Variants in IPCEF1 observed in about 807,000 individuals in gnomAD.
The protein encoded by IPCEF1 is interactor protein for cytohesin exchange factors 1.
IPCEF1 carries 31 observed loss-of-function variants against 50.9 expected under a neutral mutation model. That is an observed-to-expected ratio of 0.61 (90% CI 0.46 to 0.82). IPCEF1 has a LOEUF of 0.82. IPCEF1 is among the 40% of genes least tolerant of loss of function. IPCEF1 has a pLI of 0.00. For synonymous variants in IPCEF1, 181 were observed against 192.0 expected (o/e 0.94, Z 0.47); for missense variants, 458 against 514.0 (o/e 0.89, Z 1.05).
intron 1 of IPCEF1, among the ~76,000 whole-genome samples, chr6:154,345,686 T>A (rs1784013908): frequency 6.6e-6 from 1 of 152,154 alleles, no homozygotes; most frequent in African/African-American, 2.4e-5. Flanking sequence ...TATTTAATAA[T>A]TCTGAATATC....
At chr6:154,273,724 CTTTTT>C (rs71021036) in intron 2 of IPCEF1, among the ~76,000 whole-genome samples, 2 of 63,326 alleles carry the variant, frequency 3.2e-5, no homozygotes, top group African/African-American at 1.1e-4. Context: ...TTCTTTCTTT[CTTTTT>C]TTTTTTTTTT....
chr6:154,157,130 T>C lies in IPCEF1; in HGVS notation c.*2698A>G, dbSNP rs1483552368. 1.3e-5 allele frequency: 2 copies of C among 152,214 alleles called. No individual in the cohort carries two copies. The highest frequency in any genetic ancestry group is 4.8e-5 in the African/African-American group (2 of 41,442). The allele number at this position is 152,214 out of a possible 1,614,324, so 9.4% of individuals were successfully genotyped here. A position where few individuals can be genotyped will look rare whatever the true frequency, so the allele number is the denominator to read the frequency against. On this transcript the variant is annotated 3_prime_UTR_variant, in exon 12 of 12. Transcript: ENST00000367220. ...AGTAATCCAGTTTTCCCAATATTCT[T>C]TGGACCAGAAAAGTGGCTTGAGGCC...
At chr6:154,221,908 T>C (rs544453209) in intron 6 of IPCEF1, among the ~76,000 whole-genome samples, 1 of 152,174 alleles carries the variant, frequency 6.6e-6, no homozygotes, top group South Asian at 2.1e-4. Flanking sequence ...ATAAAACATA[T>C]AGGTATATCC....
intron 1 of IPCEF1, among the ~76,000 whole-genome samples, chr6:154,356,164 A>G (rs947090058): frequency 6.6e-6 from 1 of 152,184 alleles, no homozygotes; most frequent in African/African-American, 2.4e-5. Flanking sequence ...CACCCTTACT[A>G]AAAGACTCTG....
At chr6:154,240,854 G>C (rs912638191) in intron 5 of IPCEF1, among the ~76,000 whole-genome samples, 1 of 152,088 alleles carries the variant, frequency 6.6e-6, no homozygotes, top group Non-Finnish European at 1.5e-5. Context: ...AGACATATTG[G>C]GGCCTCAAAG....
chr6:154,331,147 G>A (rs1783650125), intron 1 of IPCEF1, among the ~76,000 whole-genome samples: 1 of 151,992 alleles, frequency 6.6e-6, no homozygotes, highest in South Asian at 2.1e-4. Flanking sequence ...TGTGCCTGAA[G>A]TCCCAGCTAC....
At chr6:154,169,490 C>T (rs1377045110) in intron 10 of IPCEF1, among the ~76,000 whole-genome samples, 1 of 152,216 alleles carries the variant, frequency 6.6e-6, no homozygotes, top group Non-Finnish European at 1.5e-5. Flanking sequence ...TTCTAAAACA[C>T]AGTGTGGGAC....
chr6:154,273,200 A>T (rs1422683034), intron 2 of IPCEF1, among the ~76,000 whole-genome samples: 1 of 152,076 alleles, frequency 6.6e-6, no homozygotes, highest in Non-Finnish European at 1.5e-5. Context: ...TCAGCAAGAC[A>T]TTATCACAGC....
At position 154,157,868 on chromosome 6, in the gene IPCEF1, T is replaced by C. The variant is rs6902403; in HGVS notation, c.*1960A>G. 89,089 of 152,130 alleles carry C rather than the reference T, an allele frequency of 0.59. 26,889 individuals are homozygous for C. The highest frequency in any genetic ancestry group is 0.72 in the African/African-American group (29,996 of 41,478). 9.4% of individuals were successfully genotyped at this position (152,130 alleles called of 1,614,324 possible). ...AGGGGCAAAAGGTTAAAGCACTGCT[T>C]TCCTAAACCAGGGCATCAGGGTGCA... On this transcript the variant is annotated 3_prime_UTR_variant, in exon 12 of 12. Transcript: ENST00000367220.
At chr6:154,248,306 C>CGTGTGT (rs58415100) in intron 3 of IPCEF1, among the ~76,000 whole-genome samples, 24,519 of 147,212 alleles carry the variant, frequency 0.17, 2,029 homozygotes, top group Middle Eastern at 0.19. Context: ...CTTTAAAATA[C>CGTGTGT]GTGTGTGTGT....
chr6:154,180,536 TCTC>T lies in IPCEF1; in HGVS notation c.911-12426_911-12424del, dbSNP rs1454444078. Among the ~76,000 whole-genome samples, 17 of 152,032 alleles carry T rather than the reference TCTC, an allele frequency of 1.1e-4. No individual in the cohort carries two copies. In the South Asian group the frequency reaches 3.3e-3, roughly 30 times the overall value. On this transcript the variant is annotated intron_variant, in intron 10 of 11. Coordinates refer to ENST00000367220, the MANE Select transcript of IPCEF1 (RefSeq NM_001130700.2). ...CTGCCAAATGAATGTGCTGCTCCCT[TCTC>T]CTCCTCTTCCATACCCCAGTCTATT...
At chr6:154,247,100 A>C in intron 4 of IPCEF1, 1 of 391,826 alleles carries the variant, frequency 2.6e-6, no homozygotes, top group South Asian at 5.7e-5. Flanking sequence ...TTAAAATTGT[A>C]AGGCTGGCGG....
intron 1 of IPCEF1, among the ~76,000 whole-genome samples, chr6:154,355,558 A>G (rs1286355665): frequency 2.0e-5 from 3 of 150,436 alleles, no homozygotes; most frequent in East Asian, 3.9e-4. Context: ...GCGCAATCTC[A>G]GCTCACTGCA....
intron 5 of IPCEF1, among the ~76,000 whole-genome samples, chr6:154,227,910 T>G (rs1157438650): frequency 6.6e-6 from 1 of 152,116 alleles, no homozygotes; most frequent in Non-Finnish European, 1.5e-5. Flanking sequence ...GCTTTTTTTT[T>G]ATTCTGAAGA....
At chr6:154,248,590 G>T (rs1165376218) in intron 3 of IPCEF1, among the ~76,000 whole-genome samples, 1 of 152,110 alleles carries the variant, frequency 6.6e-6, no homozygotes, top group African/African-American at 2.4e-5. Flanking sequence ...GATAGCTATT[G>T]TATATGGTTC....
At position 154,168,163 on chromosome 6, in the gene IPCEF1, C is replaced by G; in HGVS notation, c.911-50G>C. 1 of 1,405,850 alleles carries G rather than the reference C, an allele frequency of 7.1e-7. No individual in the cohort carries two copies. The allele number at this position is 1,405,850 out of a possible 1,614,324, so 87.1% of individuals were successfully genotyped here. A position where few individuals can be genotyped will look rare whatever the true frequency, so the allele number is the denominator to read the frequency against. The stretch of plus-strand genomic sequence containing the variant: ...AGTAACAATAAACCCAGTGAAAAAT[C>G]AAGGAGAGAACATTCAATACTGTGG... On this transcript the variant is annotated intron_variant, in intron 10 of 11. Coordinates refer to ENST00000367220, the MANE Select transcript of IPCEF1 (RefSeq NM_001130700.2). The surrounding 1 kb of genome is among the most constrained non-coding windows in gnomAD (Gnocchi z 4.1).
intron 4 of IPCEF1, chr6:154,247,121 G>A (rs962051524): frequency 1.2e-5 from 5 of 420,462 alleles, no homozygotes; most frequent in Non-Finnish European, 2.1e-5. Context: ...GCATATCAGT[G>A]CAGTAACATA....
At chr6:154,218,275 C>T (rs932916535) in intron 7 of IPCEF1, among the ~76,000 whole-genome samples, 2 of 152,194 alleles carry the variant, frequency 1.3e-5, no homozygotes, top group African/African-American at 4.8e-5. Flanking sequence ...AAAACAAGAG[C>T]ATTCTTCCCA....
intron 2 of IPCEF1, among the ~76,000 whole-genome samples, chr6:154,286,083 G>A (rs1053331826): frequency 1.5e-4 from 23 of 152,130 alleles, no homozygotes; most frequent in African/African-American, 4.6e-4. Context: ...AAATAATTAT[G>A]GGGCCAAGAA....
Sources: allele counts gnomAD v4.1 joint callset (sites outside exome capture counted in the v4.1 genomes callset), GRCh38; gene constraint gnomAD v4.1.1; non-coding constraint Gnocchi (gnomAD v3.1); transcripts MANE v1.5; gene names NCBI Gene and HGNC (gene_info 2026-07-23, HGNC 2026-07-21).